ZNF568: variants seen among roughly 807,000 people sequenced by gnomAD.
The protein encoded by ZNF568 is zinc finger protein 568.
Under a neutral mutation model 18.1 loss-of-function variants are expected in ZNF568, and 11 were observed. That is an observed-to-expected ratio of 0.61 (90% CI 0.38 to 1.00). The LOEUF (loss-of-function observed/expected upper bound fraction) is 1.00, where lower values mean the gene tolerates loss of function less well. Ranked by LOEUF, ZNF568 falls within the 50% of genes least tolerant of loss-of-function variation. The pLI is 0.01. For missense variants in ZNF568, 639 were observed against 768.2 expected (o/e 0.83, Z 1.99); for synonymous variants, 213 against 246.6 (o/e 0.86, Z 1.28).
At chr19:36,949,461 G>A (rs17242235) in intron 6 of ZNF568, 51 bp from the exon 7 acceptor site, 193,428 of 1,506,668 alleles carry the variant, frequency 0.13, 14,166 homozygotes, top group Non-Finnish European at 0.15. Context: ...GTTATTAATA[G>A]TCTAGTGGTA....
At chr19:36,991,070 T>G in intron 2 of ZNF568, 2 of 1,258,970 alleles carry the variant, frequency 1.6e-6, no homozygotes, top group Non-Finnish European at 2.1e-6. Context: ...TGGCCTGTTT[T>G]CCTAATGGAA....
chr19:36,926,491 G>T (rs532239173), intron 4 of ZNF568, among the ~76,000 whole-genome samples: 1 of 152,274 alleles, frequency 6.6e-6, no homozygotes, highest in African/African-American at 2.4e-5. Context: ...CATGACTGTG[G>T]ACAAGTTTCT....
At position 36,926,949 on chromosome 19, in the gene ZNF568, C is replaced by A. The variant is rs118131861; in HGVS notation, c.135+1691C>A. Reference sequence around the variant, plus strand: ...CTCTACGATACTGTACAGATGGAGGCTCATTATGAGTGAAGAAATACAAAA... The same window carrying A: ...CTCTACGATACTGTACAGATGGAGGATCATTATGAGTGAAGAAATACAAAA... On this transcript the variant is annotated intron_variant, in intron 4 of 6. Coordinates refer to ENST00000333987, the MANE Select transcript of ZNF568 (RefSeq NM_198539.4). 3.6e-3 allele frequency among the ~76,000 whole-genome samples: 555 copies of A among 152,208 alleles called. 3 individuals carry two copies. Among genetic ancestry groups the A allele is most frequent in the Middle Eastern group, 0.017 (5 of 294 alleles).
rs2073476696 is a variant in ZNF568 at position 36,922,652 on chromosome 19, T to C, written c.-119T>C. 1 of 682,516 alleles carries C rather than the reference T, an allele frequency of 1.5e-6. No homozygotes were observed. The highest frequency in any genetic ancestry group is 2.3e-5 in the South Asian group (1 of 44,188). 42.3% of individuals were successfully genotyped at this position (682,516 alleles called of 1,614,324 possible). On this transcript the variant is annotated 5_prime_UTR_variant, in exon 3 of 7. Transcript: ENST00000333987. Reference sequence around the variant, plus strand: ...AGAAGTCTGAGGAACAGGTGTCTTATCATGGAAGGAGACCTGACCTGAGAC... The same window carrying C: ...AGAAGTCTGAGGAACAGGTGTCTTACCATGGAAGGAGACCTGACCTGAGAC...
intron 6 of ZNF568, among the ~76,000 whole-genome samples, chr19:36,942,492 G>A (rs953962916): frequency 6.6e-6 from 1 of 150,616 alleles, no homozygotes; most frequent in African/African-American, 2.4e-5. Context: ...CCAGCTACTC[G>A]GGAGGCTGAG....
chr19:36,947,451 T>TA (rs1223904427), intron 6 of ZNF568, among the ~76,000 whole-genome samples: 3 of 152,294 alleles, frequency 2.0e-5, no homozygotes, highest in East Asian at 3.9e-4. Context: ...TCATTCATGT[T>TA]AGAGTGTATG....
At chr19:36,927,740 T>G (rs2073579713) in intron 4 of ZNF568, among the ~76,000 whole-genome samples, 1 of 148,682 alleles carries the variant, frequency 6.7e-6, no homozygotes, top group African/African-American at 2.5e-5. Flanking sequence ...TAGGAAGAAA[T>G]CCTATTGGGG....
At chr19:36,972,517 C>T (rs2074244233) in intron 6 of ZNF568, among the ~76,000 whole-genome samples, 1 of 135,340 alleles carries the variant, frequency 7.4e-6, no homozygotes, top group Non-Finnish European at 1.6e-5. Flanking sequence ...AGACACCCTC[C>T]AGGCCAGCCT....
At chr19:36,971,264 G>GT (rs35463773) in intron 6 of ZNF568, among the ~76,000 whole-genome samples, 52,683 of 146,486 alleles carry the variant, frequency 0.36, 9,703 homozygotes, top group African/African-American at 0.42. Context: ...AACTCTTTAT[G>GT]TTTTTTTTTT....
At chr19:36,971,143 G>A (rs1423047) in intron 6 of ZNF568, among the ~76,000 whole-genome samples, 54,484 of 151,396 alleles carry the variant, frequency 0.36, 10,067 homozygotes, top group African/African-American at 0.42. Context: ...TGAGGCAGGA[G>A]AATCACTTGA....
At chr19:36,990,963 A>G (rs1464853600) in intron 2 of ZNF568, 12 of 474,338 alleles carry the variant, frequency 2.5e-5, no homozygotes, top group African/African-American at 2.1e-4. Context: ...CCCAGAGGCT[A>G]CCTTTGCAGG....
At chr19:36,933,747 G>A (rs1213842075) in intron 4 of ZNF568, among the ~76,000 whole-genome samples, 1 of 151,658 alleles carries the variant, frequency 6.6e-6, no homozygotes, top group Admixed American at 6.6e-5. Flanking sequence ...TTTAGTATTA[G>A]GGTAATACTT....
intron 6 of ZNF568, among the ~76,000 whole-genome samples, chr19:36,942,915 G>C (rs1290206187): frequency 6.6e-6 from 1 of 151,984 alleles, no homozygotes; most frequent in African/African-American, 2.4e-5. Context: ...TGTTGTTTAT[G>C]GTTGGTTTAT....
intron 4 of ZNF568, among the ~76,000 whole-genome samples, chr19:36,932,139 A>G (rs1444739158): frequency 6.6e-6 from 1 of 152,168 alleles, no homozygotes; most frequent in Non-Finnish European, 1.5e-5. Flanking sequence ...TGGAAATTTG[A>G]TTCATTTCCC....
rs117252202 is a variant in ZNF568, at chr19:36,919,557, T to A, written c.-186+1909T>A. Among the ~76,000 whole-genome samples the A allele has an allele frequency of 4.6e-3, 701 of 152,176 alleles. 1 individual carries two copies. Among genetic ancestry groups the A allele is most frequent in the Non-Finnish European group, 7.7e-3 (521 of 68,020 alleles). ...CTCGCATGCACAGTTCAGAAGAGGG[T>A]TCACACTCCTGTAAGGCTGTAATGC... On this transcript the variant is annotated intron_variant, in intron 2 of 6. Transcript: ENST00000333987.
chr19:36,960,272 C>T (rs2074138782), intron 6 of ZNF568, among the ~76,000 whole-genome samples: 1 of 151,690 alleles, frequency 6.6e-6, no homozygotes, highest in Non-Finnish European at 1.5e-5. Flanking sequence ...TGCTCACCAC[C>T]ATGCCCAGCT....
Position 36,950,233 on chromosome 19 carries a change from AC to A in ZNF568, c.1082del (p.Pro361LeufsTer21), listed in dbSNP as rs1365213638. The A allele has an allele frequency of 6.2e-7, 1 of 1,613,970 alleles. No homozygotes were observed. The highest frequency in any genetic ancestry group is 8.5e-7 in the Non-Finnish European group (1 of 1,179,924). ...EHEKIHTGEKPYACNECGRAF... is the reference protein window; with the variant it reads ...EHEKIHTGEKXYACNECGRAF... ...ACGAGAAAATTCATACTGGGGAGAA[AC>A]CTTATGCATGTAATGAATGTGGTAG... is the stretch of plus-strand genomic sequence containing the variant. On this transcript the variant is annotated frameshift_variant, in exon 7 of 7. Coordinates refer to ENST00000333987, the MANE Select transcript of ZNF568 (RefSeq NM_198539.4). LOFTEE classifies it low-confidence loss of function (END_TRUNC).
At chr19:36,920,129 C>T (rs2073426585) in intron 2 of ZNF568, among the ~76,000 whole-genome samples, 1 of 152,042 alleles carries the variant, frequency 6.6e-6, no homozygotes, top group Admixed American at 6.5e-5. Context: ...AGGTGAAAGC[C>T]AGCACCAATG....
chr19:36,926,877 C>T (rs1271629839), intron 4 of ZNF568, among the ~76,000 whole-genome samples: 1 of 152,096 alleles, frequency 6.6e-6, no homozygotes, highest in Admixed American at 6.6e-5. Context: ...ATCAATGTGT[C>T]ATAAACCCAG....
Sources: gnomAD v4.1 joint callset for allele counts (sites outside exome capture counted in the v4.1 genomes callset) on GRCh38, gnomAD v4.1.1 for gene constraint, MANE v1.5 for transcripts, NCBI Gene and HGNC (gene_info 2026-07-23, HGNC 2026-07-21) for gene names.